Variants in PRKCB observed in about 807,000 individuals in gnomAD.
PRKCB encodes the protein protein kinase C beta type.
PRKCB carries 13 observed loss-of-function variants against 81.5 expected under a neutral mutation model. The observed-to-expected ratio is 0.16, with a 90% CI of 0.10 to 0.25. The LOEUF is 0.25. PRKCB is among the 10% of genes least tolerant of loss of function. The probability of loss-of-function intolerance (pLI) is 1.00; values close to 1 mark genes in which losing one functional copy is unlikely to be tolerated. For missense variants in PRKCB, 509 were observed against 875.7 expected (o/e 0.58, Z 5.29); for synonymous variants, 335 against 321.4 (o/e 1.04, Z -0.45).
chr16:24,020,481 A>G (rs1965343571), intron 3 of PRKCB, among the ~76,000 whole-genome samples: 1 of 152,184 alleles, frequency 6.6e-6, no homozygotes, highest in South Asian at 2.1e-4. Flanking sequence ...AGCTGGGGAA[A>G]TGTTGCCATG....
chr16:24,026,693 C>G (rs541007088), intron 3 of PRKCB, among the ~76,000 whole-genome samples: 19 of 152,316 alleles, frequency 1.2e-4, no homozygotes, highest in African/African-American at 4.6e-4. Context: ...AGAGTAGAGA[C>G]AGAATGTGTC....
At chr16:24,096,214 T>G (rs2141903205) in intron 7 of PRKCB, among the ~76,000 whole-genome samples, 1 of 152,116 alleles carries the variant, frequency 6.6e-6, no homozygotes, top group East Asian at 1.9e-4. Flanking sequence ...TGAGCCGAGA[T>G]CATGCCACTG....
At chr16:24,155,703 A>G (rs997395187) in intron 10 of PRKCB, among the ~76,000 whole-genome samples, 11 of 152,202 alleles carry the variant, frequency 7.2e-5, no homozygotes, top group African/African-American at 2.4e-4. Flanking sequence ...ATGGGACACT[A>G]CAGTACTTTG....
intron 10 of PRKCB, among the ~76,000 whole-genome samples, chr16:24,164,921 G>C (rs1967319931): frequency 6.6e-6 from 1 of 152,220 alleles, no homozygotes; most frequent in Non-Finnish European, 1.5e-5. Context: ...GGGTGCTATG[G>C]AGGGGAATAA....
At chr16:24,164,038 G>A (rs1176610300) in intron 10 of PRKCB, among the ~76,000 whole-genome samples, 1 of 152,230 alleles carries the variant, frequency 6.6e-6, no homozygotes, top group Admixed American at 6.5e-5. Flanking sequence ...AATCATTAAA[G>A]ATCATTAAAT....
chr16:24,196,928 C>T (rs1032267364), intron 16 of PRKCB, among the ~76,000 whole-genome samples: 2 of 152,144 alleles, frequency 1.3e-5, no homozygotes, highest in Non-Finnish European at 2.9e-5. Context: ...CTGTTGCTGG[C>T]CAGCATGTGG....
In PRKCB at chr16:24,211,811, C is replaced by T. The variant is rs577329313; in HGVS notation, c.1864-2847C>T. On this transcript the variant is annotated intron_variant, in intron 16 of 16. Transcript: ENST00000643927. ...TTGATCTCAGGTGATCCACCCGCCT[C>T]GGCTTCCCAAAGTTCAGGGATTACA... 1.2e-3 allele frequency among the ~76,000 whole-genome samples: 179 copies of T among 152,236 alleles called. 3 individuals carry two copies. Among genetic ancestry groups the T allele is most frequent in the Admixed American group, 0.01 (158 of 15,292 alleles).
At chr16:24,169,725 G>A (rs1349937086) in intron 10 of PRKCB, among the ~76,000 whole-genome samples, 1 of 151,978 alleles carries the variant, frequency 6.6e-6, no homozygotes, top group African/African-American at 2.4e-5. Context: ...ACTTTGCTCT[G>A]TTTTTCCCCC....
intron 16 of PRKCB, among the ~76,000 whole-genome samples, chr16:24,211,289 T>C (rs1377584445): frequency 6.6e-6 from 1 of 152,168 alleles, no homozygotes; most frequent in Non-Finnish European, 1.5e-5. Flanking sequence ...AATGCCCTAT[T>C]ATAGGAAACA....
At chr16:23,882,738 G>A (rs1666971469) in intron 2 of PRKCB, among the ~76,000 whole-genome samples, 1 of 145,078 alleles carries the variant, frequency 6.9e-6, no homozygotes, top group Admixed American at 7.4e-5. Context: ...GTGAACATGG[G>A]TATACAAATA....
At chr16:23,919,143 C>G (rs1025536152) in intron 2 of PRKCB, among the ~76,000 whole-genome samples, 5 of 152,014 alleles carry the variant, frequency 3.3e-5, no homozygotes, top group African/African-American at 1.2e-4. Context: ...ATGTGTTATC[C>G]ATCAAGTATA....
intron 11 of PRKCB, 27 bp downstream of exon 11, chr16:24,172,388 C>G: frequency 1.9e-6 from 3 of 1,598,776 alleles, no homozygotes; most frequent in Non-Finnish European, 2.6e-6. Context: ...GCTGTGCTTT[C>G]TCCTTGGGAT....
chr16:24,218,047 C>T lies in PRKCB; in HGVS notation c.*3231C>T. The stretch of plus-strand genomic sequence containing the variant: ...CCTTCATTCCACAAATAATTACAAA[C>T]AACCTACTGTGTGCCAGGCACTATT... On this transcript the variant is annotated 3_prime_UTR_variant, in exon 17 of 17. Transcript: ENST00000643927. 2 of 985,268 alleles carry T rather than the reference C, an allele frequency of 2.0e-6. No homozygotes were observed. The highest frequency in any genetic ancestry group is 2.4e-6 in the Non-Finnish European group (2 of 829,842). 61.0% of individuals were successfully genotyped at this position (985,268 alleles called of 1,614,324 possible). A position where few individuals can be genotyped will look rare whatever the true frequency, so the allele number is the denominator to read the frequency against.
intron 2 of PRKCB, among the ~76,000 whole-genome samples, chr16:23,839,846 T>C (rs1377363598): frequency 6.6e-6 from 1 of 152,232 alleles, no homozygotes; most frequent in Non-Finnish European, 1.5e-5. Flanking sequence ...ACACAGAGTA[T>C]GCTCAGAAAA....
At chr16:24,154,408 AGGAT>A (rs1967123929) in intron 9 of PRKCB, among the ~76,000 whole-genome samples, 2 of 152,282 alleles carry the variant, frequency 1.3e-5, no homozygotes, top group East Asian at 3.9e-4. Flanking sequence ...CACTGAGCCC[AGGAT>A]TTCGAGTCCG....
chr16:24,191,070 T>C lies in PRKCB; in HGVS notation c.1723-20T>C, dbSNP rs1967784696. On this transcript the variant is annotated intron_variant, in intron 15 of 16. Coordinates refer to ENST00000643927, the MANE Select transcript of PRKCB (RefSeq NM_002738.7). ...CTCTTCTGAAACTCAGCAAATTCAATGTTTTTCTTTCTCTCGAAGCTGATG... is the reference window on the plus strand; with the variant it reads ...CTCTTCTGAAACTCAGCAAATTCAACGTTTTTCTTTCTCTCGAAGCTGATG... The C allele has an allele frequency of 6.2e-7, 1 of 1,610,294 alleles. No homozygotes were observed. Among genetic ancestry groups the C allele is most frequent in the Non-Finnish European group, 8.5e-7 (1 of 1,177,626 alleles).
At chr16:24,021,072 C>CTCCCTCCCTTCTTTCTTTCT in intron 3 of PRKCB, among the ~76,000 whole-genome samples, 3 of 94,370 alleles carry the variant, frequency 3.2e-5, no homozygotes, top group African/African-American at 1.3e-4. Flanking sequence ...CCCTCCCTCC[C>CTCCCTCCCTTCTTTCTTTCT]TTCTTTCTTT....
At chr16:24,060,491 A>G (rs887653578) in intron 5 of PRKCB, among the ~76,000 whole-genome samples, 5 of 152,008 alleles carry the variant, frequency 3.3e-5, no homozygotes, top group African/African-American at 1.2e-4. Flanking sequence ...CACATCTACA[A>G]TGTTTCCTTG....
chr16:23,864,108 C>CA (rs908377317), intron 2 of PRKCB, among the ~76,000 whole-genome samples: 1 of 152,110 alleles, frequency 6.6e-6, no homozygotes, highest in Non-Finnish European at 1.5e-5. Context: ...CATAGAGCCA[C>CA]AAAAAATAGT....
Sources: allele counts gnomAD v4.1 joint callset (sites outside exome capture counted in the v4.1 genomes callset), GRCh38; gene constraint gnomAD v4.1.1; transcripts MANE v1.5; gene names NCBI Gene and HGNC (gene_info 2026-07-23, HGNC 2026-07-21).